The following BANK1 variants were observed in gnomAD, a reference collection of about 807,000 sequenced individuals.
The protein encoded by BANK1 is B-cell scaffold protein with ankyrin repeats.
In BANK1, 95 loss-of-function variants were observed where a neutral mutation model predicts 94.5. That is an observed-to-expected ratio of 1.00 (90% CI 0.85 to 1.19). The LOEUF (loss-of-function observed/expected upper bound fraction) is 1.19, where lower values mean the gene tolerates loss of function less well. Ranked by LOEUF, BANK1 falls within the 50% of genes most tolerant of loss-of-function variation. The pLI is 0.00. For synonymous variants in BANK1, 334 were observed against 308.4 expected, an observed-to-expected ratio of 1.08 and a Z score of -0.87; for missense variants, 987 against 932.2, an observed-to-expected ratio of 1.06 and a Z score of -0.77.
intron 2 of BANK1, among the ~76,000 whole-genome samples, chr4:101,852,469 G>A (rs1469511396): frequency 1.8e-5 from 1 of 54,126 alleles, no homozygotes; most frequent in African/African-American, 8.2e-5. Flanking sequence ...ATATTTTTCG[G>A]CTATATATAT....
In BANK1 at chr4:102,063,156, GC is replaced by G. The variant is rs769337824; in HGVS notation, c.2212+19del. The G allele has an allele frequency of 9.4e-6, 15 of 1,598,682 alleles. No homozygotes were observed. The highest frequency in any genetic ancestry group is 1.3e-5 in the Non-Finnish European group (15 of 1,166,492). On this transcript the variant is annotated intron_variant, in intron 13 of 16. Transcript: ENST00000322953. The stretch of plus-strand genomic sequence containing the variant: ...TGTCTATAGTAAGTAAGATTCGCCT[GC>G]TATTCAAAAATAATAGAGTGATTAC...
At chr4:101,959,891 C>G (rs1724507214) in intron 7 of BANK1, among the ~76,000 whole-genome samples, 2 of 152,196 alleles carry the variant, frequency 1.3e-5, no homozygotes, top group South Asian at 2.1e-4. Flanking sequence ...TCTATATCCT[C>G]TGTCCCAAGT....
intron 7 of BANK1, among the ~76,000 whole-genome samples, chr4:101,922,452 C>T (rs1379136169): frequency 6.6e-6 from 1 of 151,728 alleles, no homozygotes; most frequent in Non-Finnish European, 1.5e-5. Flanking sequence ...ATAGTGGGCT[C>T]TCCTCCCCTC....
chr4:102,070,307 C>G (rs753394107), intron 13 of BANK1, among the ~76,000 whole-genome samples: 1 of 152,156 alleles, frequency 6.6e-6, no homozygotes, highest in South Asian at 2.1e-4. Flanking sequence ...GAACTGCCCA[C>G]ATGCACGGTG....
intron 14 of BANK1, among the ~76,000 whole-genome samples, chr4:102,071,870 C>T (rs1342006307): frequency 6.6e-6 from 1 of 152,162 alleles, no homozygotes; most frequent in Non-Finnish European, 1.5e-5. Flanking sequence ...TGGACCAAAC[C>T]ACTGACTGTG....
chr4:101,863,981 G>A (rs1162429329), intron 4 of BANK1, among the ~76,000 whole-genome samples: 2 of 151,950 alleles, frequency 1.3e-5, no homozygotes, highest in African/African-American at 4.8e-5. Context: ...ATACCTACTG[G>A]GTGAGAGCAG....
At chr4:102,028,288 C>T (rs893387102) in intron 9 of BANK1, among the ~76,000 whole-genome samples, 1 of 152,014 alleles carries the variant, frequency 6.6e-6, no homozygotes, top group Non-Finnish European at 1.5e-5. Flanking sequence ...GTCAGTGAAC[C>T]AGAAGTCATA....
intron 2 of BANK1, among the ~76,000 whole-genome samples, chr4:101,834,005 T>A (rs534092217): frequency 1.3e-5 from 2 of 152,172 alleles, no homozygotes; most frequent in Non-Finnish European, 2.9e-5. Context: ...CCCTGAAGAT[T>A]GTTAGTAAAA....
At chr4:102,023,865 A>T (rs1306167281) in intron 8 of BANK1, among the ~76,000 whole-genome samples, 2 of 152,194 alleles carry the variant, frequency 1.3e-5, no homozygotes, top group Non-Finnish European at 2.9e-5. Flanking sequence ...CCTGAGCAAT[A>T]ATTTTTTCCA....
chr4:101,855,033 A>G lies in BANK1; in HGVS notation c.470-2A>G, dbSNP rs1727626832. The G allele has an allele frequency of 6.2e-7, 1 of 1,602,014 alleles. No individual in the cohort carries two copies. Among genetic ancestry groups the G allele is most frequent in the Non-Finnish European group, 8.5e-7 (1 of 1,172,178 alleles). ...AATCTACATTCATAAAATTTTCTCT[A>G]GATTCTGAAGACTACTTTGAGGTCA... is the stretch of plus-strand genomic sequence containing the variant. On this transcript the variant is annotated splice_acceptor_variant, in intron 2 of 16. Coordinates refer to ENST00000322953, the MANE Select transcript of BANK1 (RefSeq NM_017935.5). LOFTEE classifies it high-confidence loss of function.
rs988894518 is a variant in BANK1, at chr4:101,953,938, C to A, written c.1206+35749C>A. Among the ~76,000 whole-genome samples, 11 of 152,168 alleles carry A rather than the reference C, an allele frequency of 7.2e-5. No individual in the cohort carries two copies. In the East Asian group the frequency reaches 1.7e-3, roughly 24 times the overall value. Reference sequence around the variant, plus strand: ...TTACCACAAACTGGGTAGCTAAAAGCAACAGAAATTTGTTTTTTCATAGTA... The same window carrying A: ...TTACCACAAACTGGGTAGCTAAAAGAAACAGAAATTTGTTTTTTCATAGTA... On this transcript the variant is annotated intron_variant, in intron 7 of 16. Transcript: ENST00000322953.
chr4:101,970,498 A>G (rs1055800827), intron 7 of BANK1, among the ~76,000 whole-genome samples: 6 of 152,092 alleles, frequency 3.9e-5, no homozygotes, highest in African/African-American at 1.2e-4. Context: ...TCCTATCACC[A>G]CCACTCTCCT....
chr4:102,054,604 G>T (rs1354366748), intron 11 of BANK1, among the ~76,000 whole-genome samples: 1 of 152,084 alleles, frequency 6.6e-6, no homozygotes, highest in East Asian at 1.9e-4. Context: ...TACCAGCCAG[G>T]ACTGAGAATT....
chr4:101,843,577 A>G (rs1161645210), intron 2 of BANK1, among the ~76,000 whole-genome samples: 1 of 152,172 alleles, frequency 6.6e-6, no homozygotes, highest in African/African-American at 2.4e-5. Flanking sequence ...CAGAAAATTC[A>G]TATTTTCTGT....
chr4:101,824,010 A>G (rs542498200), intron 1 of BANK1, among the ~76,000 whole-genome samples: 2 of 152,328 alleles, frequency 1.3e-5, no homozygotes, highest in South Asian at 4.1e-4. Flanking sequence ...AGAAAAGACA[A>G]TGTGTGTATT....
At chr4:101,951,870 CA>C (rs145343057) in intron 7 of BANK1, among the ~76,000 whole-genome samples, 1 of 150,928 alleles carries the variant, frequency 6.6e-6, no homozygotes, top group East Asian at 1.9e-4. Flanking sequence ...ATTTATAAAA[CA>C]AAAAAAATAA....
At chr4:101,943,948 A>G (rs1353766919) in intron 7 of BANK1, among the ~76,000 whole-genome samples, 3 of 151,720 alleles carry the variant, frequency 2.0e-5, no homozygotes, top group Non-Finnish European at 4.4e-5. Flanking sequence ...TAAGAGGATT[A>G]AAAAAATAGT....
At chr4:101,791,044 G>A in intron 1 of BANK1, 94 bp downstream of exon 1, 1 of 1,031,468 alleles carries the variant, frequency 9.7e-7, no homozygotes, top group Non-Finnish European at 1.3e-6. Context: ...CTGCACTCGG[G>A]CACTGAGGCC....
intron 7 of BANK1, among the ~76,000 whole-genome samples, chr4:101,946,283 A>G (rs1723928005): frequency 6.6e-6 from 1 of 152,026 alleles, no homozygotes; most frequent in African/African-American, 2.4e-5. Context: ...TGACCAAGCC[A>G]GTATGGCCAA....
Sources: gnomAD v4.1 joint callset for allele counts (sites outside exome capture counted in the v4.1 genomes callset) on GRCh38, gnomAD v4.1.1 for gene constraint, MANE v1.5 for transcripts, NCBI Gene and HGNC (gene_info 2026-07-23, HGNC 2026-07-21) for gene names.